Variants in RFTN1 observed in about 807,000 individuals in gnomAD.
The protein encoded by RFTN1 is raftlin.
RFTN1 carries 26 observed loss-of-function variants against 46.5 expected under a neutral mutation model. The ratio of observed to expected loss-of-function variants is 0.56; its 90% CI spans 0.41 to 0.78. The LOEUF (loss-of-function observed/expected upper bound fraction) is 0.78, where lower values mean the gene tolerates loss of function less well. Among genes scored for constraint, RFTN1 ranks in the 30% least tolerant of loss-of-function variants. RFTN1 has a pLI of 0.00. For missense variants in RFTN1, 693 were observed against 718.7 expected (o/e 0.96, Z 0.41); for synonymous variants, 261 against 284.2 (o/e 0.92, Z 0.82).
In RFTN1 at chr3:16,323,413, G is replaced by C. The variant is rs1057490805; in HGVS notation, c.1295C>G (p.Pro432Arg). The change falls in exon 9 of 10, where the codon CCT becomes CGT. Residue 432 changes from proline (P) to arginine (R), a missense_variant. Coordinates refer to ENST00000334133, the MANE Select transcript of RFTN1 (RefSeq NM_015150.2). ...STKQIVFLQRPCLPQKIKKKE... is the reference protein window; with the variant it reads ...STKQIVFLQRRCLPQKIKKKE... ...CTTCTTGATTTTCTGAGGTAGACAAGGTCTCTGAAGAAAGACAATCTGCTT... is the reference window on the plus strand; with the variant it reads ...CTTCTTGATTTTCTGAGGTAGACAACGTCTCTGAAGAAAGACAATCTGCTT... The C allele has an allele frequency of 6.2e-7, 1 of 1,611,912 alleles. No individual in the cohort carries two copies. Among genetic ancestry groups the C allele is most frequent in the Non-Finnish European group, 8.5e-7 (1 of 1,178,146 alleles).
chr3:16,326,179 C>G (rs1327335022), intron 8 of RFTN1, among the ~76,000 whole-genome samples: 2 of 152,214 alleles, frequency 1.3e-5, no homozygotes, highest in East Asian at 1.9e-4. Flanking sequence ...TGACTGGGCT[C>G]AAGGGAGCGT....
rs2072159553 is a variant in RFTN1 at position 16,352,370 on chromosome 3, G to C, written c.1146+5562C>G. 6.6e-6 allele frequency among the ~76,000 whole-genome samples: 1 copy of C among 152,208 alleles called. No individual in the cohort carries two copies. The highest frequency in any genetic ancestry group is 2.1e-4 in the South Asian group (1 of 4,836). On this transcript the variant is annotated intron_variant, in intron 7 of 9. Transcript: ENST00000334133. The surrounding 1 kb of genome is among the most constrained non-coding windows in gnomAD (Gnocchi z 4.6). ...ATTCAGAGGGAAGAAGAGGGTCTCT[G>C]TATCTTGCTCTTTACCTATTCATCT...
intron 7 of RFTN1, among the ~76,000 whole-genome samples, chr3:16,332,056 A>G (rs549659535): frequency 1.3e-5 from 2 of 152,106 alleles, no homozygotes; most frequent in Admixed American, 1.3e-4. Flanking sequence ...TTTCTCCCCT[A>G]GAAGTTCCGG....
At chr3:16,372,475 A>G (rs555655048) in intron 5 of RFTN1, among the ~76,000 whole-genome samples, 3 of 152,198 alleles carry the variant, frequency 2.0e-5, no homozygotes, top group South Asian at 4.1e-4. Context: ...AACATGGGCC[A>G]TAGCACCACT....
At chr3:16,389,088 G>A (rs1025790909) in intron 4 of RFTN1, among the ~76,000 whole-genome samples, 1 of 152,170 alleles carries the variant, frequency 6.6e-6, no homozygotes, top group Non-Finnish European at 1.5e-5. Flanking sequence ...TCCAGTATTC[G>A]TGACCTTTTC....
rs1339913454 is a variant in RFTN1, at chr3:16,359,051, AAG to A, written c.1031-1006_1031-1005del. ...TGTCTCCAAAAAAAAAAAAAAAAAA[AAG>A]AAATACTGAACAGAGTCCTTGACCC... is the stretch of plus-strand genomic sequence containing the variant. On this transcript the variant is annotated intron_variant, in intron 6 of 9. Transcript: ENST00000334133. 1.7e-3 allele frequency among the ~76,000 whole-genome samples: 226 copies of A among 135,676 alleles called. 1 individual carries two copies. The Middle Eastern group carries it at 0.021, about 13-fold the overall frequency. 89.0% of individuals were successfully genotyped at this position (135,676 alleles called of 152,430 possible). A position where few individuals can be genotyped will look rare whatever the true frequency, so the allele number is the denominator to read the frequency against.
chr3:16,399,841 G>T (rs574007207), intron 4 of RFTN1, among the ~76,000 whole-genome samples: 1 of 152,108 alleles, frequency 6.6e-6, no homozygotes, highest in African/African-American at 2.4e-5. Flanking sequence ...CCCTCTCCAC[G>T]GTGCCTCGTT....
Position 16,410,769 on chromosome 3 carries a change from C to A in RFTN1, c.333-1286G>T, listed in dbSNP as rs925257940. On this transcript the variant is annotated intron_variant, in intron 3 of 9. Coordinates refer to ENST00000334133, the MANE Select transcript of RFTN1 (RefSeq NM_015150.2). This position sits in a 1 kb window ranked among gnomAD's most constrained non-coding sequence, Gnocchi z 4.6. ...TCCAAAGCACCACCACATAGACATCCCTGTGATACAGCACAGTTCAAAACT... is the reference window on the plus strand; with the variant it reads ...TCCAAAGCACCACCACATAGACATCACTGTGATACAGCACAGTTCAAAACT... Among the ~76,000 whole-genome samples the A allele has an allele frequency of 6.6e-6, 1 of 152,132 alleles. No homozygotes were observed. Among genetic ancestry groups the A allele is most frequent in the Non-Finnish European group, 1.5e-5 (1 of 68,028 alleles).
rs75944520 is a variant in RFTN1, at chr3:16,317,725, C to T, written c.1333-493G>A. 0.015 allele frequency among the ~76,000 whole-genome samples: 2,344 copies of T among 152,110 alleles called. 33 individuals are homozygous for T. Among genetic ancestry groups the T allele is most frequent in the Admixed American group, 0.022 (333 of 15,272 alleles). The stretch of plus-strand genomic sequence containing the variant: ...ACATGGGGCAGACACTGTGCTGTAC[C>T]GCTCAGATCCCCCCACAGGACTGGC... On this transcript the variant is annotated intron_variant, in intron 9 of 9. Transcript: ENST00000334133. This position sits in a 1 kb window ranked among gnomAD's most constrained non-coding sequence, Gnocchi z 4.3.
intron 3 of RFTN1, among the ~76,000 whole-genome samples, chr3:16,414,360 A>G (rs1052641886): frequency 6.6e-6 from 1 of 151,916 alleles, no homozygotes; most frequent in Non-Finnish European, 1.5e-5. Context: ...TAATCCTAGC[A>G]CTTCGGGAGG....
rs1296329157 is a variant in RFTN1 at position 16,345,265 on chromosome 3, TGTGTGTGTG to T, written c.1146+12658_1146+12666del. ...AACTGTAAGATAATAAGTAGGTGGT[TGTGTGTGTG>T]TGTGTGTGTGTGTGTGTGTGTGTGT... On this transcript the variant is annotated intron_variant, in intron 7 of 9. Coordinates refer to ENST00000334133, the MANE Select transcript of RFTN1 (RefSeq NM_015150.2). This position sits in a 1 kb window ranked among gnomAD's most constrained non-coding sequence, Gnocchi z 5.2. 1 of 1,314 alleles carries T rather than the reference TGTGTGTGTG, an allele frequency of 7.6e-4. No homozygotes were observed. Among genetic ancestry groups the T allele is most frequent in the African/African-American group, 1.2e-3 (1 of 836 alleles). 0.1% of individuals were successfully genotyped at this position (1,314 alleles called of 1,614,324 possible).
intron 3 of RFTN1, among the ~76,000 whole-genome samples, chr3:16,411,852 A>C (rs1234345676): frequency 1.3e-5 from 2 of 152,212 alleles, no homozygotes; most frequent in African/African-American, 4.8e-5. Flanking sequence ...AGACTAAAAA[A>C]CTATAATCAT....
At chr3:16,395,168 C>T (rs1051514911) in intron 4 of RFTN1, among the ~76,000 whole-genome samples, 12 of 152,170 alleles carry the variant, frequency 7.9e-5, no homozygotes, top group African/African-American at 1.2e-4. Context: ...ATGTTATATG[C>T]CAAAGTTGGC....
chr3:16,409,308 T>G, intron 4 of RFTN1, 67 bp downstream of exon 4: 2 of 1,084,612 alleles, frequency 1.8e-6, no homozygotes, highest in Non-Finnish European at 2.9e-6. Context: ...CTAAGGCAGC[T>G]ACCTGCCTGT....
At chr3:16,369,229 C>T (rs2073384947) in intron 6 of RFTN1, among the ~76,000 whole-genome samples, 1 of 152,256 alleles carries the variant, frequency 6.6e-6, no homozygotes, top group Admixed American at 6.5e-5. Flanking sequence ...AAACTCTGTT[C>T]GTGACTCTGT....
In RFTN1 at chr3:16,327,054, C is replaced by T. The variant is rs2069777097; in HGVS notation, c.1147-178G>A. Among the ~76,000 whole-genome samples the T allele has an allele frequency of 1.3e-5, 2 of 152,196 alleles. No homozygotes were observed. Among genetic ancestry groups the T allele is most frequent in the Non-Finnish European group, 2.9e-5 (2 of 68,030 alleles). ...CTTTAAAAGTTTGGAGTCAAACTGC[C>T]AACATGGGATTTCCTTCTGGGCCCC... On this transcript the variant is annotated intron_variant, in intron 7 of 9. Transcript: ENST00000334133. The surrounding 1 kb of genome is among the most constrained non-coding windows in gnomAD (Gnocchi z 4.2).
At chr3:16,462,125 C>G (rs975198465) in intron 2 of RFTN1, among the ~76,000 whole-genome samples, 7 of 152,208 alleles carry the variant, frequency 4.6e-5, no homozygotes, top group African/African-American at 7.2e-5. Flanking sequence ...CTGCCACTTA[C>G]TAGCTGAATG....
rs536517079 is a variant in RFTN1 at position 16,352,784 on chromosome 3, A to G, written c.1146+5148T>C. 6.6e-6 allele frequency among the ~76,000 whole-genome samples: 1 copy of G among 152,326 alleles called. No individual in the cohort carries two copies. The highest frequency in any genetic ancestry group is 6.5e-5 in the Admixed American group (1 of 15,302). On this transcript the variant is annotated intron_variant, in intron 7 of 9. Transcript: ENST00000334133. The surrounding 1 kb of genome is among the most constrained non-coding windows in gnomAD (Gnocchi z 4.6). ...TCATCAATTTTGAGAGGTTGTTACCAGTATCCCCATTTATACAACTGAAAA... is the reference window on the plus strand; with the variant it reads ...TCATCAATTTTGAGAGGTTGTTACCGGTATCCCCATTTATACAACTGAAAA...
intron 2 of RFTN1, among the ~76,000 whole-genome samples, chr3:16,471,101 A>T (rs2076186987): frequency 6.6e-6 from 1 of 152,234 alleles, no homozygotes; most frequent in South Asian, 2.1e-4. Context: ...AATAAAGCAA[A>T]CCATTTTAAT....
Sources: allele counts gnomAD v4.1 joint callset (sites outside exome capture counted in the v4.1 genomes callset), GRCh38; gene constraint gnomAD v4.1.1; non-coding constraint Gnocchi (gnomAD v3.1); transcripts MANE v1.5; gene names NCBI Gene and HGNC (gene_info 2026-07-23, HGNC 2026-07-21).